The following FAM193A variants were observed in gnomAD, a reference collection of about 807,000 sequenced individuals.
FAM193A encodes the protein family with sequence similarity 193 member A, also known as protein FAM193A.
A neutral mutation model predicts 126.5 loss-of-function variants in FAM193A; 22 were observed. That is an observed-to-expected ratio of 0.17 (90% CI 0.12 to 0.25). FAM193A has a LOEUF of 0.25. Ranked by LOEUF, FAM193A falls within the 10% of genes least tolerant of loss-of-function variation. The pLI is 1.00. For synonymous variants in FAM193A, 761 were observed against 646.8 expected (o/e 1.18, Z -2.68); for missense variants, 1,675 against 1,672.8 (o/e 1.00, Z -0.02).
At chr4:2,643,974 T>C (rs1161825527) in intron 6 of FAM193A, among the ~76,000 whole-genome samples, 3 of 152,242 alleles carry the variant, frequency 2.0e-5, no homozygotes, top group East Asian at 3.8e-4. Context: ...TATTTCATTC[T>C]CTTTATCAAT....
At chr4:2,537,593 G>C (rs1736963948) in intron 1 of FAM193A, among the ~76,000 whole-genome samples, 1 of 152,256 alleles carries the variant, frequency 6.6e-6, no homozygotes, top group African/African-American at 2.4e-5. Context: ...CGCCCGCTGC[G>C]GCGGTTCCAG....
At chr4:2,545,878 G>A (rs935471935) in intron 1 of FAM193A, among the ~76,000 whole-genome samples, 3 of 152,102 alleles carry the variant, frequency 2.0e-5, no homozygotes, top group Non-Finnish European at 2.9e-5. Context: ...GGCCAGGTGC[G>A]GTGGCTCACG....
At chr4:2,565,865 A>G (rs1380462794) in intron 1 of FAM193A, among the ~76,000 whole-genome samples, 3 of 152,212 alleles carry the variant, frequency 2.0e-5, no homozygotes, top group Non-Finnish European at 4.4e-5. Context: ...AGCATTGCCT[A>G]TTCTGAAGGT....
intron 7 of FAM193A, among the ~76,000 whole-genome samples, 163 bp downstream of exon 7, chr4:2,646,995 C>T (rs374439586): frequency 1.1e-4 from 16 of 152,324 alleles, no homozygotes; most frequent in East Asian, 5.8e-4. Context: ...GCTGGTTTTC[C>T]GGAAGGGATG....
chr4:2,696,208 T>C (rs1458133907), intron 17 of FAM193A, 155 bp from the exon 18 acceptor site: 1 of 593,622 alleles, frequency 1.7e-6, no homozygotes, highest in East Asian at 2.9e-5. Context: ...GCTGATAGGT[T>C]TTTCTCTTTT....
At chr4:2,706,252 C>G (rs1032755184) in intron 19 of FAM193A, among the ~76,000 whole-genome samples, 2 of 150,022 alleles carry the variant, frequency 1.3e-5, no homozygotes, top group African/African-American at 4.9e-5. Context: ...CCCAGTGATT[C>G]AAGATGCCAC....
chr4:2,677,104 ATTT>A (rs1180640564), intron 13 of FAM193A, among the ~76,000 whole-genome samples: 3 of 152,050 alleles, frequency 2.0e-5, no homozygotes, highest in African/African-American at 7.2e-5. Context: ...TTGGTAATCC[ATTT>A]TTTAGTTCAT....
chr4:2,616,196 T>G (rs1577078255), intron 2 of FAM193A, among the ~76,000 whole-genome samples: 1 of 152,366 alleles, frequency 6.6e-6, no homozygotes, highest in Non-Finnish European at 1.5e-5. Context: ...GCACTGTTAT[T>G]TCTAATTGTT....
At chr4:2,728,238 A>ATTTTTTT (rs58609064) in intron 20 of FAM193A, among the ~76,000 whole-genome samples, 6 of 82,060 alleles carry the variant, frequency 7.3e-5, no homozygotes, top group Non-Finnish European at 1.1e-4. Flanking sequence ...ACCCGGCCCA[A>ATTTTTTT]TTTTTTTTTT....
At chr4:2,692,656 G>A (rs1254307057) in intron 15 of FAM193A, among the ~76,000 whole-genome samples, 1 of 152,210 alleles carries the variant, frequency 6.6e-6, no homozygotes, top group Non-Finnish European at 1.5e-5. Flanking sequence ...TGGCAGACAG[G>A]TAGCCTATTA....
At chr4:2,653,721 C>A (rs1021264599) in intron 7 of FAM193A, among the ~76,000 whole-genome samples, 1 of 152,198 alleles carries the variant, frequency 6.6e-6, no homozygotes, top group Non-Finnish European at 1.5e-5. Flanking sequence ...GGATTACAGG[C>A]GTGAGCCACC....
chr4:2,693,808 G>C lies in FAM193A; in HGVS notation c.3026G>C (p.Ser1009Thr), dbSNP rs1716709221. 1 of 1,614,096 alleles carries C rather than the reference G, an allele frequency of 6.2e-7. No homozygotes were observed. The highest frequency in any genetic ancestry group is 1.7e-5 in the Admixed American group (1 of 59,994). ...TTPGFVDTRK[S>T]FCPAPLPPAT... ...CCTGGGTTTGTGGACACACGCAAGAGTTTCTGTCCTGCACCCCTACCCCCG... is the reference window on the plus strand; with the variant it reads ...CCTGGGTTTGTGGACACACGCAAGACTTTCTGTCCTGCACCCCTACCCCCG... The change falls in exon 16 of 21, where the codon AGT (serine) becomes ACT (threonine). Residue 1009 changes from serine to threonine, a missense_variant. Ser to Thr is a moderately conservative substitution (Grantham distance 58). Transcript: ENST00000637812.
chr4:2,672,079 A>G, intron 12 of FAM193A, 42 bp from the exon 13 acceptor site: 1 of 1,599,376 alleles, frequency 6.3e-7, no homozygotes, highest in South Asian at 1.1e-5. Flanking sequence ...CATACCATTT[A>G]TTGTTTCACT....
At chr4:2,633,147 C>T (rs1401042278) in intron 5 of FAM193A, among the ~76,000 whole-genome samples, 13 of 151,892 alleles carry the variant, frequency 8.6e-5, no homozygotes, top group Non-Finnish European at 2.9e-5. Flanking sequence ...CCTGTAATTC[C>T]AGCACTTTGG....
intron 2 of FAM193A, chr4:2,607,955 T>C (rs1374051930): frequency 1.3e-6 from 2 of 1,490,134 alleles, no homozygotes; most frequent in Non-Finnish European, 9.1e-7. Flanking sequence ...TCTTTTCTTT[T>C]TTTAACCTTG....
At chr4:2,694,053 C>T (rs1259847195) in intron 16 of FAM193A, among the ~76,000 whole-genome samples, 179 bp downstream of exon 16, 1 of 152,212 alleles carries the variant, frequency 6.6e-6, no homozygotes, top group African/African-American at 2.4e-5. Flanking sequence ...CCATCTCAGC[C>T]TGTAGTTTTG....
At chr4:2,593,888 G>A (rs555559043) in intron 1 of FAM193A, among the ~76,000 whole-genome samples, 5 of 149,668 alleles carry the variant, frequency 3.3e-5, no homozygotes, top group East Asian at 3.9e-4. Flanking sequence ...TTTAATTGTC[G>A]TCATTTAGGC....
chr4:2,555,534 T>C (rs548196706), intron 1 of FAM193A, among the ~76,000 whole-genome samples: 1 of 152,324 alleles, frequency 6.6e-6, no homozygotes, highest in Admixed American at 6.5e-5. Flanking sequence ...ATCCTAACAC[T>C]TTGGGAGGCC....
chr4:2,612,163 G>A (rs1278881385), intron 2 of FAM193A, among the ~76,000 whole-genome samples: 1 of 151,286 alleles, frequency 6.6e-6, no homozygotes, highest in African/African-American at 2.4e-5. Context: ...ATGATTTTGT[G>A]CCTTTGTGTT....
Sources: gnomAD v4.1 joint callset for allele counts (sites outside exome capture counted in the v4.1 genomes callset) on GRCh38, gnomAD v4.1.1 for gene constraint, MANE v1.5 for transcripts, NCBI Gene and HGNC (gene_info 2026-07-23, HGNC 2026-07-21) for gene names.